The following SDK1 variants were observed in gnomAD, a reference collection of about 807,000 sequenced individuals.
SDK1 encodes protein sidekick-1.
A neutral mutation model predicts 245.5 loss-of-function variants in SDK1; 157 were observed. The ratio of observed to expected loss-of-function variants is 0.64; its 90% CI spans 0.56 to 0.73. The LOEUF is 0.73. Ranked by LOEUF, SDK1 falls within the 30% of genes least tolerant of loss-of-function variation. SDK1 has a pLI of 0.00. For synonymous variants in SDK1, 1,647 were observed against 1,278.5 expected (o/e 1.29, Z -6.15); for missense variants, 3,583 against 3,002.3 (o/e 1.19, Z -4.52).
intron 4 of SDK1, among the ~76,000 whole-genome samples, chr7:3,720,911 A>C (rs1366034540): frequency 6.6e-6 from 1 of 152,262 alleles, no homozygotes. Flanking sequence ...CACATCGCTC[A>C]TAATAAGAAG....
chr7:3,432,368 C>T (rs1319193886), intron 1 of SDK1, among the ~76,000 whole-genome samples: 3 of 151,882 alleles, frequency 2.0e-5, no homozygotes, highest in South Asian at 2.1e-4. Flanking sequence ...TCTGTTGCTA[C>T]TAGAATTTTG....
At chr7:3,549,967 T>A (rs1385539857) in intron 1 of SDK1, among the ~76,000 whole-genome samples, 1 of 152,194 alleles carries the variant, frequency 6.6e-6, no homozygotes, top group South Asian at 2.1e-4. Flanking sequence ...GGGTCTCCTT[T>A]AACCTACATC....
At chr7:3,747,111 G>C (rs1426430673) in intron 4 of SDK1, among the ~76,000 whole-genome samples, 1 of 152,162 alleles carries the variant, frequency 6.6e-6, no homozygotes, top group Non-Finnish European at 1.5e-5. Flanking sequence ...GGGTAACCAG[G>C]TGCATGATGT....
chr7:3,841,422 C>A (rs1780154328), intron 5 of SDK1, among the ~76,000 whole-genome samples: 1 of 152,180 alleles, frequency 6.6e-6, no homozygotes. Context: ...AAACCATTTG[C>A]TTGGCAGCAC....
intron 44 of SDK1, among the ~76,000 whole-genome samples, chr7:4,247,285 G>C (rs1004942543): frequency 1.4e-4 from 21 of 152,294 alleles, no homozygotes; most frequent in African/African-American, 5.1e-4. Context: ...AGGTGGGTGT[G>C]GTGAGGCCGA....
intron 1 of SDK1, among the ~76,000 whole-genome samples, chr7:3,307,780 A>G (rs1378233909): frequency 6.6e-6 from 1 of 152,184 alleles, no homozygotes; most frequent in Non-Finnish European, 1.5e-5. Flanking sequence ...ACTGTGCAAT[A>G]TGAGGAAGTC....
chr7:3,817,852 C>T (rs1346337389), intron 4 of SDK1, among the ~76,000 whole-genome samples: 1 of 152,162 alleles, frequency 6.6e-6, no homozygotes, highest in Non-Finnish European at 1.5e-5. Flanking sequence ...GAAGAATGGC[C>T]AGAAGCACTT....
chr7:3,707,997 AT>A (rs938071390), intron 4 of SDK1, among the ~76,000 whole-genome samples: 3 of 151,540 alleles, frequency 2.0e-5, no homozygotes, highest in East Asian at 1.9e-4. Context: ...TGAGTAATTT[AT>A]TTTTTTTTAA....
chr7:3,756,748 C>T (rs1291191723), intron 4 of SDK1, among the ~76,000 whole-genome samples: 1 of 152,150 alleles, frequency 6.6e-6, no homozygotes, highest in South Asian at 2.1e-4. Flanking sequence ...GAGTCCTCGT[C>T]AGGCATCTTT....
At chr7:4,055,294 G>A (rs577641781) in intron 19 of SDK1, among the ~76,000 whole-genome samples, 3 of 152,242 alleles carry the variant, frequency 2.0e-5, no homozygotes, top group South Asian at 2.1e-4. Context: ...TATCCAGGTT[G>A]TCTGTTTCAT....
At chr7:3,440,109 G>A (rs974814000) in intron 1 of SDK1, among the ~76,000 whole-genome samples, 3 of 152,028 alleles carry the variant, frequency 2.0e-5, no homozygotes, top group African/African-American at 7.3e-5. Flanking sequence ...ATGGAAATCC[G>A]GAAGTAAATA....
intron 35 of SDK1, among the ~76,000 whole-genome samples, chr7:4,187,824 C>T (rs1475195536): frequency 1.3e-5 from 2 of 152,184 alleles, no homozygotes; most frequent in Non-Finnish European, 2.9e-5. Flanking sequence ...ATGTTGTTGC[C>T]TTCTTCAGTC....
intron 28 of SDK1, among the ~76,000 whole-genome samples, chr7:4,144,827 T>A (rs1241997504): frequency 6.6e-6 from 1 of 152,126 alleles, no homozygotes; most frequent in Non-Finnish European, 1.5e-5. Flanking sequence ...CCCCCGTGCG[T>A]CCTCCCTTGT....
intron 23 of SDK1, among the ~76,000 whole-genome samples, chr7:4,113,052 G>A (rs969104832): frequency 7.2e-5 from 11 of 152,008 alleles, no homozygotes; most frequent in South Asian, 2.1e-4. Flanking sequence ...CCCCGCCACC[G>A]CCTGCCTTGG....
At chr7:3,509,750 G>A (rs750036747) in intron 1 of SDK1, among the ~76,000 whole-genome samples, 4 of 152,110 alleles carry the variant, frequency 2.6e-5, no homozygotes, top group Non-Finnish European at 5.9e-5. Flanking sequence ...TTCTACCTTC[G>A]GCCCTGCAGA....
At chr7:3,385,674 G>A (rs911271875) in intron 1 of SDK1, among the ~76,000 whole-genome samples, 4 of 152,066 alleles carry the variant, frequency 2.6e-5, no homozygotes, top group Non-Finnish European at 1.5e-5. Flanking sequence ...GCCCCCGTAT[G>A]TATCTCTTTA....
chr7:3,508,995 C>T (rs939475766), intron 1 of SDK1, among the ~76,000 whole-genome samples: 1 of 152,050 alleles, frequency 6.6e-6, no homozygotes, highest in South Asian at 2.1e-4. Context: ...ATATCTGTGG[C>T]AGTGATGGTG....
intron 1 of SDK1, among the ~76,000 whole-genome samples, chr7:3,372,501 A>G (rs988900129): frequency 2.6e-5 from 4 of 152,224 alleles, no homozygotes; most frequent in Non-Finnish European, 5.9e-5. Flanking sequence ...ATTGCCTCTT[A>G]CCCTGTGTAA....
chr7:4,248,808 T>G (rs796839895), intron 44 of SDK1, among the ~76,000 whole-genome samples: 1 of 152,176 alleles, frequency 6.6e-6, no homozygotes, highest in East Asian at 1.9e-4. Flanking sequence ...CCTAAACACA[T>G]GCACACAGGC....
Sources: allele counts gnomAD v4.1 joint callset (sites outside exome capture counted in the v4.1 genomes callset), GRCh38; gene constraint gnomAD v4.1.1; transcripts MANE v1.5; gene names NCBI Gene and HGNC (gene_info 2026-07-23, HGNC 2026-07-21).